EFCAB11: variants seen among roughly 807,000 people sequenced by gnomAD.
EFCAB11 encodes the protein EF-hand calcium-binding domain-containing protein 11.
In EFCAB11, 14 loss-of-function variants were observed where a neutral mutation model predicts 23.0. The ratio of observed to expected loss-of-function variants is 0.61; its 90% CI spans 0.40 to 0.95. The LOEUF (loss-of-function observed/expected upper bound fraction) is 0.95. Among genes scored for constraint, EFCAB11 ranks in the 40% least tolerant of loss-of-function variants. EFCAB11 has a pLI of 0.00. For missense variants in EFCAB11, 198 were observed against 195.8 expected (o/e 1.01, Z -0.07); for synonymous variants, 65 against 66.6 (o/e 0.98, Z 0.11).
At chr14:89,900,404 C>T (rs571681807) in intron 5 of EFCAB11, among the ~76,000 whole-genome samples, 42 of 152,194 alleles carry the variant, frequency 2.8e-4, no homozygotes, top group African/African-American at 9.1e-4. Context: ...TATTTTGTTT[C>T]GTAACCTGGG....
intron 5 of EFCAB11, among the ~76,000 whole-genome samples, chr14:89,879,127 T>G (rs1411950105): frequency 2.6e-5 from 4 of 152,114 alleles, no homozygotes; most frequent in African/African-American, 9.7e-5. Context: ...AGCCCATTTT[T>G]TTTTCTGTTC....
chr14:89,805,085 G>T (rs528869153), intron 5 of EFCAB11, among the ~76,000 whole-genome samples: 2 of 152,338 alleles, frequency 1.3e-5, no homozygotes, highest in African/African-American at 4.8e-5. Context: ...AGAATGTCCA[G>T]ATCAGGCCAG....
chr14:89,938,353 C>T (rs1209219638), intron 3 of EFCAB11, among the ~76,000 whole-genome samples: 1 of 152,054 alleles, frequency 6.6e-6, no homozygotes, highest in East Asian at 1.9e-4. Flanking sequence ...GACATAATGC[C>T]TTCTCTAGTC....
intron 5 of EFCAB11, among the ~76,000 whole-genome samples, chr14:89,921,063 T>TAAAAAAAAA (rs199585363): frequency 0.048 from 5,300 of 110,890 alleles, 185 homozygotes; most frequent in African/African-American, 0.14. Flanking sequence ...AGACTCTGTC[T>TAAAAAAAAA]AAAAAAAAAA....
intron 5 of EFCAB11, among the ~76,000 whole-genome samples, chr14:89,858,049 T>G (rs1303628248): frequency 6.6e-6 from 1 of 152,158 alleles, no homozygotes; most frequent in African/African-American, 2.4e-5. Context: ...GCTGTGGCAG[T>G]TTTAAACTAT....
At chr14:89,903,500 T>C (rs1184280870) in intron 5 of EFCAB11, among the ~76,000 whole-genome samples, 1 of 151,652 alleles carries the variant, frequency 6.6e-6, no homozygotes, top group Non-Finnish European at 1.5e-5. Context: ...AAGTGAAATA[T>C]ACACTGCTAA....
At chr14:89,877,754 C>A (rs1888484218) in intron 5 of EFCAB11, among the ~76,000 whole-genome samples, 1 of 152,164 alleles carries the variant, frequency 6.6e-6, no homozygotes, top group South Asian at 2.1e-4. Context: ...TAAAAGCACT[C>A]AGCTTTAGCA....
intron 5 of EFCAB11, among the ~76,000 whole-genome samples, chr14:89,820,241 G>C (rs1003403195): frequency 6.6e-5 from 10 of 151,934 alleles, no homozygotes; most frequent in Non-Finnish European, 1.5e-4. Context: ...TATTCACAAA[G>C]AATAGCATGC....
chr14:89,811,327 A>G (rs1254728388), intron 5 of EFCAB11, among the ~76,000 whole-genome samples: 1 of 152,168 alleles, frequency 6.6e-6, no homozygotes, highest in East Asian at 1.9e-4. Context: ...AGCGATGGGA[A>G]GTCATCAAAG....
intron 5 of EFCAB11, among the ~76,000 whole-genome samples, chr14:89,910,054 T>G (rs926987176): frequency 6.6e-6 from 1 of 152,222 alleles, no homozygotes; most frequent in Non-Finnish European, 1.5e-5. Context: ...TCAACTAGAC[T>G]CTAAGCTCCT....
chr14:89,828,683 T>C (rs1340038727), intron 5 of EFCAB11, among the ~76,000 whole-genome samples: 1 of 152,212 alleles, frequency 6.6e-6, no homozygotes, highest in Admixed American at 6.5e-5. Context: ...CAAGAATTTT[T>C]TGAAAGAAAG....
chr14:89,932,631 A>C lies in EFCAB11; in HGVS notation c.218-4T>G, dbSNP rs756465307. 90 of 1,606,852 alleles carry C rather than the reference A, an allele frequency of 5.6e-5. No individual in the cohort carries two copies. The highest frequency in any genetic ancestry group is 6.5e-5 in the Non-Finnish European group (76 of 1,174,584). ...AAAAACCCCTCGAGTAATATACCTA[A>C]AAGTTGGGGAAAAAACAATTTGTCA... On this transcript the variant is annotated splice_polypyrimidine_tract_variant and splice_region_variant and intron_variant, in intron 3 of 5. Transcript: ENST00000316738.
At chr14:89,920,269 C>A (rs560412603) in intron 5 of EFCAB11, among the ~76,000 whole-genome samples, 2 of 152,246 alleles carry the variant, frequency 1.3e-5, no homozygotes, top group African/African-American at 4.8e-5. Flanking sequence ...CCAAACCAAA[C>A]CACTTCATAG....
At chr14:89,952,164 C>T (rs1359082960) in intron 2 of EFCAB11, among the ~76,000 whole-genome samples, 2 of 152,150 alleles carry the variant, frequency 1.3e-5, no homozygotes, top group African/African-American at 2.4e-5. Context: ...TTATAGGTGA[C>T]ATGCTATTAG....
chr14:89,802,536 C>A (rs951418266), intron 5 of EFCAB11, among the ~76,000 whole-genome samples: 1 of 152,240 alleles, frequency 6.6e-6, no homozygotes, highest in South Asian at 2.1e-4. Context: ...GGATTACAGG[C>A]ATGCGCCACC....
intron 5 of EFCAB11, among the ~76,000 whole-genome samples, chr14:89,798,576 T>G (rs1885654575): frequency 6.6e-6 from 1 of 152,258 alleles, no homozygotes; most frequent in South Asian, 2.1e-4. Context: ...CGGCCTTTTT[T>G]CTTTCCACTC....
intron 5 of EFCAB11, among the ~76,000 whole-genome samples, chr14:89,855,355 A>G (rs1167753390): frequency 6.6e-6 from 1 of 152,034 alleles, no homozygotes; most frequent in Non-Finnish European, 1.5e-5. Context: ...GTGCACCTGT[A>G]GTCCCACCTA....
At chr14:89,868,666 T>G (rs1002200106) in intron 5 of EFCAB11, among the ~76,000 whole-genome samples, 2 of 152,246 alleles carry the variant, frequency 1.3e-5, no homozygotes. Context: ...TTGTTTTACG[T>G]GCTCTGTATG....
chr14:89,899,304 C>T (rs2140200417), intron 5 of EFCAB11, among the ~76,000 whole-genome samples: 1 of 152,140 alleles, frequency 6.6e-6, no homozygotes, highest in East Asian at 1.9e-4. Flanking sequence ...TTCAAACTGG[C>T]TAATATAGAA....
Sources: allele counts gnomAD v4.1 joint callset (sites outside exome capture counted in the v4.1 genomes callset), GRCh38; gene constraint gnomAD v4.1.1; transcripts MANE v1.5; gene names NCBI Gene and HGNC (gene_info 2026-07-23, HGNC 2026-07-21).